LRP1: variants seen among roughly 807,000 people sequenced by gnomAD.
The protein encoded by LRP1 is prolow-density lipoprotein receptor-related protein 1.
In LRP1, 51 loss-of-function variants were observed where a neutral mutation model predicts 541.5. The ratio of observed to expected loss-of-function variants is 0.09; its 90% CI spans 0.08 to 0.12. LRP1 has a LOEUF of 0.12. LRP1 is among the 10% of genes least tolerant of loss of function. The pLI, the probability that LRP1 is intolerant of heterozygous loss-of-function variation, is 1.00. For synonymous variants in LRP1, 2,219 were observed against 2,470.8 expected (o/e 0.90, Z 3.02); for missense variants, 3,878 against 6,376.2 (o/e 0.61, Z 13.34).
At position 57,203,177 on chromosome 12, in the gene LRP1, C is replaced by T. The variant is rs749113283; in HGVS notation, c.10712-4C>T. 11 of 1,573,796 alleles carry T rather than the reference C, an allele frequency of 7.0e-6. No homozygotes were observed. The South Asian group carries it at 1.3e-4, about 18-fold the overall frequency. On this transcript the variant is annotated splice_polypyrimidine_tract_variant and splice_region_variant and intron_variant, in intron 68 of 88. Transcript: ENST00000243077. ...CTGGGCCTGTCTCCCCCTGTCCTTC[C>T]CAGCCCCTCGGCCCTGCTCCGAGAG...
rs749233336 is a variant in LRP1 at position 57,185,958 on chromosome 12, G to A, written c.6841+50G>A. 1.3e-6 allele frequency: 2 copies of A among 1,571,040 alleles called. No individual in the cohort carries two copies. Among genetic ancestry groups the A allele is most frequent in the Non-Finnish European group, 1.7e-6 (2 of 1,158,098 alleles). On this transcript the variant is annotated intron_variant, in intron 41 of 88. Coordinates refer to ENST00000243077, the MANE Select transcript of LRP1 (RefSeq NM_002332.3). This position sits in a 1 kb window ranked among gnomAD's most constrained non-coding sequence, Gnocchi z 4.9. ...CAGGAAGTGGGACATGGGGCGGGGA[G>A]CAGCACAGACTCTTAGACCCCAGCC...
In LRP1 at chr12:57,208,209, C is replaced by G. The variant is rs1394425140; in HGVS notation, c.12031C>G (p.Leu4011Val). 1 of 1,613,328 alleles carries G rather than the reference C, an allele frequency of 6.2e-7. No homozygotes were observed. The highest frequency in any genetic ancestry group is 8.5e-7 in the Non-Finnish European group (1 of 1,179,766). ...DEPHAIVVDP[L>V]RGTMYWSDWG... The stretch of plus-strand genomic sequence containing the variant: ...GCCCCACGCCATTGTGGTGGACCCA[C>G]TGAGGGGGTGGGCAAGGGCCCTGGG... Residue 4011 changes from leucine to valine, a missense_variant, in exon 77 of 89, where the codon CTG (leucine) becomes GTG (valine). Around this residue, in one of 13 missense-constraint regions of LRP1, gnomAD observed 871 missense variants for 1,212.4 expected, o/e 0.72. Coordinates refer to ENST00000243077, the MANE Select transcript of LRP1 (RefSeq NM_002332.3).
At position 57,212,632 on chromosome 12, in the gene LRP1, G is replaced by A; in HGVS notation, c.*77G>A. The A allele has an allele frequency of 7.0e-7, 1 of 1,438,286 alleles. No individual in the cohort carries two copies. The allele number at this position is 1,438,286 out of a possible 1,614,324, so 89.1% of individuals were successfully genotyped here. A position where few individuals can be genotyped will look rare whatever the true frequency, so the allele number is the denominator to read the frequency against. ...AAGTCCTTCAGTGAGCCCCTCCCCA[G>A]CCAGCCCTTCCCTGGCCCCGCCGGA... On this transcript the variant is annotated 3_prime_UTR_variant, in exon 89 of 89. Coordinates refer to ENST00000243077, the MANE Select transcript of LRP1 (RefSeq NM_002332.3). This position sits in a 1 kb window ranked among gnomAD's most constrained non-coding sequence, Gnocchi z 5.0.
chr12:57,159,705 G>A lies in LRP1; in HGVS notation c.1799-120G>A, dbSNP rs1193052645. 6.5e-6 allele frequency: 6 copies of A among 927,836 alleles called. No homozygotes were observed. The African/African-American group carries it at 9.8e-5, about 15-fold the overall frequency. The allele number at this position is 927,836 out of a possible 1,614,324, so 57.5% of individuals were successfully genotyped here. A position where few individuals can be genotyped will look rare whatever the true frequency, so the allele number is the denominator to read the frequency against. Reference sequence around the variant, plus strand: ...ACCCATCTGTCTAGGGCCCCAGAGGGTCCCTGCACCCCTCTGTAGCCCAGA... The same window carrying A: ...ACCCATCTGTCTAGGGCCCCAGAGGATCCCTGCACCCCTCTGTAGCCCAGA... On this transcript the variant is annotated intron_variant, in intron 11 of 88. Coordinates refer to ENST00000243077, the MANE Select transcript of LRP1 (RefSeq NM_002332.3).
At chr12:57,131,105 C>T (rs988750482) in intron 1 of LRP1, among the ~76,000 whole-genome samples, 5 of 152,202 alleles carry the variant, frequency 3.3e-5, no homozygotes, top group African/African-American at 7.2e-5. Flanking sequence ...CAACATTGAA[C>T]TTTCTTGTTT....
chr12:57,205,693 G>C lies in LRP1; in HGVS notation c.11590+16G>C, dbSNP rs1026358951. 1.9e-6 allele frequency: 3 copies of C among 1,607,612 alleles called. No homozygotes were observed. The highest frequency in any genetic ancestry group is 2.5e-6 in the Non-Finnish European group (3 of 1,179,826). ...AAGGCCGAAGGTGCCGGAGCCACCA[G>C]AGGGCAGAAAGGCTGGGTGGGGCAG... On this transcript the variant is annotated intron_variant, in intron 75 of 88. Coordinates refer to ENST00000243077, the MANE Select transcript of LRP1 (RefSeq NM_002332.3). The surrounding 1 kb of genome is among the most constrained non-coding windows in gnomAD (Gnocchi z 4.6).
rs747599383 is a variant in LRP1 at position 57,160,015 on chromosome 12, C to A, written c.1979+10C>A. 1.5e-5 allele frequency: 24 copies of A among 1,612,834 alleles called. No individual in the cohort carries two copies. The highest frequency in any genetic ancestry group is 1.7e-4 in the Middle Eastern group (1 of 5,960). On this transcript the variant is annotated intron_variant, in intron 12 of 88. Transcript: ENST00000243077. ...TGGATCCACTCAATGGGTGAGTCCT[C>A]CCAGGCCTTGGGGTGGGAGGAGCTG... is the stretch of plus-strand genomic sequence containing the variant.
intron 31 of LRP1, 63 bp from the exon 32 acceptor site, chr12:57,180,267 G>A: frequency 6.3e-7 from 1 of 1,599,194 alleles, no homozygotes; most frequent in Non-Finnish European, 8.6e-7. Flanking sequence ...CTCACCATCT[G>A]CTCCCTTCCC....
intron 6 of LRP1, among the ~76,000 whole-genome samples, chr12:57,145,728 G>A (rs145120418): frequency 7.2e-5 from 11 of 152,296 alleles, no homozygotes; most frequent in African/African-American, 2.6e-4. Flanking sequence ...AGGGCTGAGG[G>A]GGCAGTGAAT....
intron 3 of LRP1, among the ~76,000 whole-genome samples, chr12:57,143,275 C>T (rs1450497845): frequency 1.3e-5 from 2 of 152,182 alleles, no homozygotes; most frequent in Admixed American, 6.5e-5. Context: ...ATTCCATGCC[C>T]ACTTTTCAGC....
rs2036340128 is a variant in LRP1 at position 57,189,787 on chromosome 12, T to C, written c.7032-1018T>C. 6.6e-6 allele frequency among the ~76,000 whole-genome samples: 1 copy of C among 152,054 alleles called. No homozygotes were observed. The highest frequency in any genetic ancestry group is 2.1e-4 in the South Asian group (1 of 4,820). On this transcript the variant is annotated intron_variant, in intron 42 of 88. Coordinates refer to ENST00000243077, the MANE Select transcript of LRP1 (RefSeq NM_002332.3). The surrounding 1 kb of genome is among the most constrained non-coding windows in gnomAD (Gnocchi z 4.4). Reference sequence around the variant, plus strand: ...CTGGCTTTTGTGTGGCTTGGTGGTCTCAGACTCCACTGTGCCTAAGGATCG... The same window carrying C: ...CTGGCTTTTGTGTGGCTTGGTGGTCCCAGACTCCACTGTGCCTAAGGATCG...
chr12:57,151,152 G>A (rs1296944803), intron 6 of LRP1, among the ~76,000 whole-genome samples: 1 of 152,190 alleles, frequency 6.6e-6, no homozygotes, highest in African/African-American at 2.4e-5. Context: ...GGTCCCATGT[G>A]TTTGGGAAAG....
Position 57,131,309 on chromosome 12 carries a change from C to A in LRP1, c.67+2278C>A, listed in dbSNP as rs777034054. 2.0e-5 allele frequency among the ~76,000 whole-genome samples: 3 copies of A among 152,154 alleles called. No homozygotes were observed. The East Asian group carries it at 5.8e-4, about 29-fold the overall frequency. ...GGGGAGTAACGTCACTCCCCACTAG[C>A]GACAAAATTGAGTGTACCTGCTGCT... On this transcript the variant is annotated intron_variant, in intron 1 of 88. Transcript: ENST00000243077.
intron 43 of LRP1, 114 bp downstream of exon 43, chr12:57,191,123 T>A: frequency 8.2e-7 from 1 of 1,224,746 alleles, no homozygotes; most frequent in Non-Finnish European, 1.1e-6. Flanking sequence ...TGGGAGGAGG[T>A]GAGTGCCTCC....
chr12:57,158,509 A>T lies in LRP1; in HGVS notation c.1669A>T (p.Asn557Tyr). 6.2e-7 allele frequency: 1 copy of T among 1,614,016 alleles called. No individual in the cohort carries two copies. Among genetic ancestry groups the T allele is most frequent in the Non-Finnish European group, 8.5e-7 (1 of 1,179,992 alleles). The change falls in exon 11 of 89, where the codon AAC becomes TAC. Residue 557 changes from asparagine to tyrosine, a missense_variant. By Grantham distance (143) the Asn-to-Tyr change is moderately radical. This residue lies in a region of LRP1 where 496 missense variants were observed against 861.0 expected (regional missense o/e 0.58). Transcript: ENST00000243077. This position sits in a 1 kb window ranked among gnomAD's most constrained non-coding sequence, Gnocchi z 5.3. ...VPDEHMIPIE[N>Y]LMNPRALDFH... is the part of the protein sequence containing the mutation. ...GGATGAGCACATGATCCCCATTGAA[A>T]ACCTCATGAACCCCCGAGCCCTGGA...
intron 1 of LRP1, among the ~76,000 whole-genome samples, chr12:57,136,076 G>C (rs980085381): frequency 6.6e-6 from 1 of 152,238 alleles, no homozygotes; most frequent in African/African-American, 2.4e-5. Context: ...AGCCGGCCAC[G>C]GCTGGTCAGG....
rs1355763229 is a variant in LRP1 at position 57,185,523 on chromosome 12, T to A, written c.6464-8T>A. The A allele has an allele frequency of 6.3e-6, 10 of 1,577,284 alleles. No individual in the cohort carries two copies. The highest frequency in any genetic ancestry group is 7.8e-6 in the Non-Finnish European group (9 of 1,159,420). Reference sequence around the variant, plus strand: ...AGGCCCTGCCCTCTGTACCCTCCCCTCCCCCAGGCACCAACGTGTGCGCGG... The same window carrying A: ...AGGCCCTGCCCTCTGTACCCTCCCCACCCCCAGGCACCAACGTGTGCGCGG... On this transcript the variant is annotated splice_region_variant and splice_polypyrimidine_tract_variant and intron_variant, in intron 40 of 88. Transcript: ENST00000243077. The surrounding 1 kb of genome is among the most constrained non-coding windows in gnomAD (Gnocchi z 4.9).
rs551160569 is a variant in LRP1, at chr12:57,208,073, C to T, written c.11895C>T (p.Ile3965=). Residue 3965 remains isoleucine (I), a synonymous_variant, in exon 77 of 89, where the codon ATC becomes ATT. Coordinates refer to ENST00000243077, the MANE Select transcript of LRP1 (RefSeq NM_002332.3). ...SGLKMPRGIA[I]DWVAGNVYWT... is the part of the protein sequence containing the mutation. ...TGAAGATGCCCAGAGGCATCGCCAT[C>T]GACTGGGTGGCCGGAAACGTGTACT... is the stretch of plus-strand genomic sequence containing the variant. 1.3e-5 allele frequency: 21 copies of T among 1,614,134 alleles called. No individual in the cohort carries two copies. The highest frequency in any genetic ancestry group is 1.7e-4 in the Middle Eastern group (1 of 6,060).
chr12:57,159,637 G>A (rs1408162949), intron 11 of LRP1, among the ~76,000 whole-genome samples, 188 bp from the exon 12 acceptor site: 2 of 152,168 alleles, frequency 1.3e-5, no homozygotes, highest in Non-Finnish European at 2.9e-5. Context: ...GCAGCACACA[G>A]GGCTTTCCCC....
Sources: allele counts gnomAD v4.1 joint callset (sites outside exome capture counted in the v4.1 genomes callset), GRCh38; gene constraint gnomAD v4.1.1; regional missense constraint gnomAD v4.1.1; non-coding constraint Gnocchi (gnomAD v3.1); transcripts MANE v1.5; gene names NCBI Gene and HGNC (gene_info 2026-07-23, HGNC 2026-07-21).